ORM1: variants seen among roughly 807,000 people sequenced by gnomAD.
The protein encoded by ORM1 is orosomucoid 1.
A neutral mutation model predicts 26.9 loss-of-function variants in ORM1; 13 were observed. The ratio of observed to expected loss-of-function variants is 0.48; its 90% CI spans 0.31 to 0.77. The LOEUF (loss-of-function observed/expected upper bound fraction) is 0.77, where lower values mean the gene tolerates loss of function less well. Among genes scored for constraint, ORM1 ranks in the 30% least tolerant of loss-of-function variants. ORM1 has a pLI of 0.04. For synonymous variants in ORM1, 76 were observed against 102.2 expected, an observed-to-expected ratio of 0.74 and a Z score of 1.55; for missense variants, 189 against 246.8, an observed-to-expected ratio of 0.77 and a Z score of 1.57.
At chr9:114,325,602 A>G (rs1186800477) in intron 5 of ORM1, among the ~76,000 whole-genome samples, 2 of 152,104 alleles carry the variant, frequency 1.3e-5, no homozygotes, top group African/African-American at 2.4e-5. Context: ...GATTTTTGCT[A>G]CAAATGAAAA....
At chr9:114,323,831 C>T (rs1349765956) in intron 2 of ORM1, 26 bp downstream of exon 2, 4 of 1,613,662 alleles carry the variant, frequency 2.5e-6, no homozygotes, top group Admixed American at 3.3e-5. Flanking sequence ...CCAATGCACC[C>T]CCATCTCAGC....
intron 3 of ORM1, among the ~76,000 whole-genome samples, 168 bp downstream of exon 3, chr9:114,324,256 GAATT>G (rs1829733657): frequency 6.6e-6 from 1 of 152,140 alleles, no homozygotes; most frequent in Admixed American, 6.6e-5. Context: ...GACACTGAGA[GAATT>G]AGAGGAGGAA....
Position 114,323,860 on chromosome 9 carries a change from A to G in ORM1, c.257+55A>G, listed in dbSNP as rs1045731804. 22 of 1,610,988 alleles carry G rather than the reference A, an allele frequency of 1.4e-5. No individual in the cohort carries two copies. In the African/African-American group the frequency reaches 2.5e-4, roughly 19 times the overall value. ...TCTCAGCTTCTGGCCAGAAGACCTG[A>G]GCAAGTCCCTCCTTCTTCCTGGCCT... On this transcript the variant is annotated intron_variant, in intron 2 of 5. Coordinates refer to ENST00000259396, the MANE Select transcript of ORM1 (RefSeq NM_000607.4).
In ORM1 at chr9:114,324,835, C is replaced by A; in HGVS notation, c.374C>A (p.Thr125Asn). 1 of 1,614,212 alleles carries A rather than the reference C, an allele frequency of 6.2e-7. No individual in the cohort carries two copies. Among genetic ancestry groups the A allele is most frequent in the Non-Finnish European group, 8.5e-7 (1 of 1,180,014 alleles). ...GCTCACTTGCTGATCCTCAGGGACACCAAGACCTACATGCTTGCTTTTGAC... is the reference window on the plus strand; with the variant it reads ...GCTCACTTGCTGATCCTCAGGGACAACAAGACCTACATGCTTGCTTTTGAC... ...HFAHLLILRDTKTYMLAFDVN... is the reference protein window; with the variant it reads ...HFAHLLILRDNKTYMLAFDVN... The change falls in exon 4 of 6, where the codon ACC (threonine) becomes AAC (asparagine). Residue 125 changes from threonine (T) to asparagine (N), a missense_variant. Coordinates refer to ENST00000259396, the MANE Select transcript of ORM1 (RefSeq NM_000607.4).
At chr9:114,325,540 A>T (rs1030258245) in intron 5 of ORM1, among the ~76,000 whole-genome samples, 7 of 151,818 alleles carry the variant, frequency 4.6e-5, no homozygotes, top group African/African-American at 1.7e-4. Flanking sequence ...GGGAATTGAT[A>T]CTGTGGTTTT....
In ORM1 at chr9:114,324,024, C is replaced by G; in HGVS notation, c.264C>G (p.Asp88Glu). 2 of 1,614,012 alleles carry G rather than the reference C, an allele frequency of 1.2e-6. No homozygotes were observed. The highest frequency in any genetic ancestry group is 1.7e-6 in the Non-Finnish European group (2 of 1,179,980). The change falls in exon 3 of 6, where the codon GAC becomes GAG. Residue 88 changes from aspartate to glutamate, a missense_variant. By Grantham distance (45) the Asp-to-Glu change is conservative. Transcript: ENST00000259396. ...IFLREYQTRQ[D>E]QCIYNTTYLN... Reference sequence around the variant, plus strand: ...GCCTTCTGTTTGGCTTTAGACAGGACCAGTGCATCTATAACACCACCTACC... The same window carrying G: ...GCCTTCTGTTTGGCTTTAGACAGGAGCAGTGCATCTATAACACCACCTACC...
At chr9:114,324,936 A>C (rs773428481) in intron 4 of ORM1, 39 bp downstream of exon 4, 233 of 1,598,032 alleles carry the variant, frequency 1.5e-4, no homozygotes, top group Non-Finnish European at 1.8e-4. Flanking sequence ...TGCCCCTCTC[A>C]GGCCTCACCC....
rs1460828780 is a variant in ORM1, at chr9:114,325,138, A to G, written c.526A>G (p.Thr176Ala). 3.7e-6 allele frequency: 6 copies of G among 1,613,872 alleles called. No individual in the cohort carries two copies. The Admixed American group carries it at 6.7e-5, about 18-fold the overall frequency. ...LRIPKSDVVY[T>A]DWKKDKCEPL... ...CATTCCCAAGTCAGATGTCGTGTAC[A>G]CCGATTGGAAAAAGGTAAACGCAAG... The change falls in exon 5 of 6, where the codon ACC becomes GCC. Residue 176 changes from threonine to alanine, a missense_variant. Physicochemically the swap from Thr to Ala is moderately conservative, Grantham distance 58. Coordinates refer to ENST00000259396, the MANE Select transcript of ORM1 (RefSeq NM_000607.4).
chr9:114,323,609 A>T (rs1341876239), intron 1 of ORM1, 54 bp from the exon 2 acceptor site: 1 of 1,613,710 alleles, frequency 6.2e-7, no homozygotes. Flanking sequence ...CTCCCAGCTG[A>T]CAGTCAAAGA....
chr9:114,324,034 T>A lies in ORM1; in HGVS notation c.274T>A (p.Tyr92Asn). 1.2e-6 allele frequency: 2 copies of A among 1,614,004 alleles called. No individual in the cohort carries two copies. Among genetic ancestry groups the A allele is most frequent in the Non-Finnish European group, 1.7e-6 (2 of 1,179,986 alleles). The change falls in exon 3 of 6, where the codon TAT (tyrosine) becomes AAT (asparagine). Residue 92 changes from tyrosine to asparagine, a missense_variant. Physicochemically the swap from Tyr to Asn is moderately radical, Grantham distance 143. Coordinates refer to ENST00000259396, the MANE Select transcript of ORM1 (RefSeq NM_000607.4). The stretch of plus-strand genomic sequence containing the variant: ...TGGCTTTAGACAGGACCAGTGCATC[T>A]ATAACACCACCTACCTGAATGTCCA... The part of the protein sequence containing the change: ...EYQTRQDQCI[Y>N]NTTYLNVQRE...
rs779105648 is a variant in ORM1 at position 114,324,810 on chromosome 9, G to A, written c.349G>A (p.Ala117Thr). Residue 117 changes from alanine (A) to threonine (T), a missense_variant, in exon 4 of 6, where the codon GCT (alanine) becomes ACT (threonine). Around this residue, in one of 3 missense-constraint regions of ORM1, gnomAD observed 163 missense variants for 157.7 expected, o/e 1.03. Transcript: ENST00000259396. ...SRYVGGQEHF[A>T]HLLILRDTKT... is the part of the protein sequence containing the mutation. ...TCCAGTGGGAGGCCAAGAGCATTTC[G>A]CTCACTTGCTGATCCTCAGGGACAC... 8.1e-6 allele frequency: 13 copies of A among 1,613,866 alleles called. No homozygotes were observed. The highest frequency in any genetic ancestry group is 6.6e-5 in the South Asian group (6 of 91,082).
chr9:114,324,769 G>A (rs1202473300), intron 3 of ORM1, 21 bp from the exon 4 acceptor site: 2 of 1,592,952 alleles, frequency 1.3e-6, no homozygotes, highest in Non-Finnish European at 8.6e-7. Context: ...TTCTCACCCA[G>A]AGGCTCCTTT....
intron 1 of ORM1, 112 bp downstream of exon 1, chr9:114,323,359 T>G: frequency 3.8e-6 from 6 of 1,584,312 alleles, no homozygotes; most frequent in Non-Finnish European, 5.2e-6. Context: ...TCTGCCTTTT[T>G]CTCTTCTGGG....
chr9:114,323,977 A>G (rs773385282), intron 2 of ORM1, 41 bp from the exon 3 acceptor site: 4 of 1,610,900 alleles, frequency 2.5e-6, no homozygotes, highest in East Asian at 4.5e-5. Flanking sequence ...CCACTTCTCA[A>G]TAATCTTCCT....
intron 3 of ORM1, among the ~76,000 whole-genome samples, 153 bp from the exon 4 acceptor site, chr9:114,324,637 G>A (rs1829738898): frequency 6.6e-6 from 1 of 152,212 alleles, no homozygotes; most frequent in Non-Finnish European, 1.5e-5. Flanking sequence ...AGCTGGGCAT[G>A]CAGCAGGGGC....
At position 114,324,842 on chromosome 9, in the gene ORM1, C is replaced by CT. The variant is rs769453576; in HGVS notation, c.382dup (p.Tyr128LeufsTer6). The CT allele has an allele frequency of 1.2e-6, 2 of 1,614,102 alleles. No individual in the cohort carries two copies. Among genetic ancestry groups the CT allele is most frequent in the African/African-American group, 2.7e-5 (2 of 74,942 alleles). ...TGCTGATCCTCAGGGACACCAAGACCTACATGCTTGCTTTTGACGTGAACG... is the reference window on the plus strand; with the variant it reads ...TGCTGATCCTCAGGGACACCAAGACCTTACATGCTTGCTTTTGACGTGAACG... On this transcript the variant is annotated frameshift_variant, in exon 4 of 6. Coordinates refer to ENST00000259396, the MANE Select transcript of ORM1 (RefSeq NM_000607.4). LOFTEE classifies it high-confidence loss of function.
At chr9:114,324,376 C>T (rs1829735300) in intron 3 of ORM1, among the ~76,000 whole-genome samples, 1 of 152,012 alleles carries the variant, frequency 6.6e-6, no homozygotes, top group Non-Finnish European at 1.5e-5. Flanking sequence ...TCTCTCATGC[C>T]CTCTTTAAGA....
chr9:114,323,331 C>G (rs184349299), intron 1 of ORM1, 84 bp downstream of exon 1: 20 of 1,611,942 alleles, frequency 1.2e-5, no homozygotes, highest in Non-Finnish European at 1.7e-5. Flanking sequence ...TGGCTGTGGT[C>G]GGACCCCCAC....
rs186571933 is a variant in ORM1, at chr9:114,324,220, G to A, written c.328+132G>A. 33 of 865,512 alleles carry A rather than the reference G, an allele frequency of 3.8e-5. 1 individual carries two copies. The highest frequency in any genetic ancestry group is 2.5e-4 in the East Asian group (10 of 39,292). 53.6% of individuals were successfully genotyped at this position (865,512 alleles called of 1,614,324 possible). ...ACCACTAACATTTTTGAGCTCTAACGATGTGCTCAGAAACAACTCTAAGAG... is the reference window on the plus strand; with the variant it reads ...ACCACTAACATTTTTGAGCTCTAACAATGTGCTCAGAAACAACTCTAAGAG... On this transcript the variant is annotated intron_variant, in intron 3 of 5. Coordinates refer to ENST00000259396, the MANE Select transcript of ORM1 (RefSeq NM_000607.4).
Sources: allele counts gnomAD v4.1 joint callset (sites outside exome capture counted in the v4.1 genomes callset), GRCh38; gene constraint gnomAD v4.1.1; regional missense constraint gnomAD v4.1.1; transcripts MANE v1.5; gene names NCBI Gene and HGNC (gene_info 2026-07-23, HGNC 2026-07-21).